The following SLC17A2 variants were observed in gnomAD, a reference collection of about 807,000 sequenced individuals.
The protein encoded by SLC17A2 is solute carrier family 17 member 2, also known as sodium-dependent phosphate transport protein 3.
Under a neutral mutation model 52.1 loss-of-function variants are expected in SLC17A2, and 38 were observed. That is an observed-to-expected ratio of 0.73 (90% CI 0.56 to 0.96). The LOEUF (loss-of-function observed/expected upper bound fraction) is 0.96, where lower values mean the gene tolerates loss of function less well. SLC17A2 is among the 40% of genes least tolerant of loss of function. The probability of loss-of-function intolerance (pLI) is 0.00; values close to 1 mark genes in which losing one functional copy is unlikely to be tolerated. For missense variants in SLC17A2, 508 were observed against 583.9 expected, an observed-to-expected ratio of 0.87 and a Z score of 1.34; for synonymous variants, 226 against 211.9, an observed-to-expected ratio of 1.07 and a Z score of -0.58.
intron 1 of SLC17A2, among the ~76,000 whole-genome samples, chr6:25,929,197 A>G (rs555207305): frequency 6.6e-6 from 1 of 152,302 alleles, no homozygotes; most frequent in African/African-American, 2.4e-5. Flanking sequence ...AGGATATTCA[A>G]GGACTGAATT....
chr6:25,914,344 C>T (rs2071300), intron 11 of SLC17A2, among the ~76,000 whole-genome samples: 72,755 of 152,054 alleles, frequency 0.48, 17,791 homozygotes, highest in East Asian at 0.72. Context: ...TAGGAAGTCA[C>T]ACGTGCTGTC....
At chr6:25,926,941 C>T (rs1766787156) in intron 1 of SLC17A2, among the ~76,000 whole-genome samples, 1 of 152,152 alleles carries the variant, frequency 6.6e-6, no homozygotes, top group South Asian at 2.1e-4. Context: ...TGGCACATGC[C>T]TGTAGACCCT....
chr6:25,922,889 G>A (rs191749731), intron 3 of SLC17A2, among the ~76,000 whole-genome samples: 165 of 152,220 alleles, frequency 1.1e-3, no homozygotes, highest in Non-Finnish European at 2.0e-3. Context: ...AAGCAATGCT[G>A]AAATAGACTT....
At chr6:25,918,602 T>C (rs760388874) in intron 5 of SLC17A2, 29 bp from the exon 6 acceptor site, 7 of 1,494,488 alleles carry the variant, frequency 4.7e-6, no homozygotes, top group Admixed American at 3.4e-5. Context: ...AAAACACTTA[T>C]GAAAATATCA....
intron 10 of SLC17A2, 53 bp from the exon 11 acceptor site, chr6:25,914,723 T>G (rs1766237474): frequency 5.2e-6 from 6 of 1,146,522 alleles, no homozygotes; most frequent in Non-Finnish European, 7.8e-6. Context: ...ACCTACAGCT[T>G]CTGCAGCAAC....
At chr6:25,929,363 T>C (rs1766871787) in intron 1 of SLC17A2, among the ~76,000 whole-genome samples, 1 of 152,176 alleles carries the variant, frequency 6.6e-6, no homozygotes, top group South Asian at 2.1e-4. Context: ...TTGCAAAGTG[T>C]TATATGTTGT....
rs202135214 is a variant in SLC17A2 at position 25,925,791 on chromosome 6, G to T, written c.6C>A (p.Asp2Glu). ...TACCTTTCCTGGTGGCAGGCTTCCCGTCCATTTAGCTTCTGTGGGAAATGG... is the reference window on the plus strand; with the variant it reads ...TACCTTTCCTGGTGGCAGGCTTCCCTTCCATTTAGCTTCTGTGGGAAATGG... M[D>E]GKPATRKGPD... Residue 2 changes from aspartate (D) to glutamate (E), a missense_variant, in exon 2 of 12, where the codon GAC becomes GAA. Coordinates refer to ENST00000377850, the MANE Select transcript of SLC17A2 (RefSeq NM_001286123.3). 1.2e-6 allele frequency: 2 copies of T among 1,614,094 alleles called. No homozygotes were observed. Among genetic ancestry groups the T allele is most frequent in the Non-Finnish European group, 1.7e-6 (2 of 1,179,954 alleles).
chr6:25,929,207 T>C (rs1268689199), intron 1 of SLC17A2, among the ~76,000 whole-genome samples: 1 of 152,180 alleles, frequency 6.6e-6, no homozygotes, highest in African/African-American at 2.4e-5. Context: ...AGGACTGAAT[T>C]CTGCTCTGCC....
chr6:25,924,691 C>A (rs1272495185), intron 2 of SLC17A2, among the ~76,000 whole-genome samples: 1 of 151,868 alleles, frequency 6.6e-6, no homozygotes, highest in Non-Finnish European at 1.5e-5. Flanking sequence ...TGCCTGTAAT[C>A]CCAGCTACTC....
At position 25,918,519 on chromosome 6, in the gene SLC17A2, G is replaced by C; in HGVS notation, c.617C>G (p.Ala206Gly). 1.9e-6 allele frequency: 3 copies of C among 1,613,566 alleles called. No individual in the cohort carries two copies. Among genetic ancestry groups the C allele is most frequent in the Admixed American group, 3.3e-5 (2 of 60,016 alleles). The change falls in exon 6 of 12, where the codon GCC (alanine) becomes GGC (glycine). Residue 206 changes from alanine to glycine, a missense_variant. Physicochemically the swap from Ala to Gly is moderately conservative, Grantham distance 60. Transcript: ENST00000377850. ...GTAGAAGATAAAAGGCCAGCTCAAG[G>C]CCTGTGAGATTAGTCCCCCCACACA... ...ILCVGGLISQ[A>G]LSWPFIFYIF...
At chr6:25,920,069 T>G (rs541929217) in intron 5 of SLC17A2, among the ~76,000 whole-genome samples, 10 of 152,154 alleles carry the variant, frequency 6.6e-5, no homozygotes, top group African/African-American at 2.4e-4. Context: ...TAACTTGGTT[T>G]TGGTGGGAAG....
chr6:25,914,013 C>T (rs1766205316), intron 11 of SLC17A2, among the ~76,000 whole-genome samples: 1 of 152,128 alleles, frequency 6.6e-6, no homozygotes, highest in Admixed American at 6.5e-5. Flanking sequence ...AAAAACAAAA[C>T]TTCTCTTTGT....
At position 25,920,963 on chromosome 6, in the gene SLC17A2, A is replaced by G. The variant is rs759100672; in HGVS notation, c.562+43T>C. On this transcript the variant is annotated intron_variant, in intron 5 of 11. Coordinates refer to ENST00000377850, the MANE Select transcript of SLC17A2 (RefSeq NM_001286123.3). The stretch of plus-strand genomic sequence containing the variant: ...TTCATAGAAGATAAGACACAGTGGG[A>G]TGGAACAGATGACAAAGCTATGACC... 9.1e-6 allele frequency: 14 copies of G among 1,538,508 alleles called. No homozygotes were observed. In the African/African-American group the frequency reaches 1.5e-4, roughly 16 times the overall value.
At chr6:25,922,651 T>C (rs1306032983) in intron 3 of SLC17A2, among the ~76,000 whole-genome samples, 1 of 152,156 alleles carries the variant, frequency 6.6e-6, no homozygotes, top group East Asian at 1.9e-4. Flanking sequence ...CTAGGTCCAA[T>C]GTAATAAAAT....
At chr6:25,925,595 A>G (rs7770139) in intron 2 of SLC17A2, among the ~76,000 whole-genome samples, 174 bp downstream of exon 2, 52,969 of 151,686 alleles carry the variant, frequency 0.35, 10,372 homozygotes, top group East Asian at 0.7. Flanking sequence ...TTAATTTCTC[A>G]CAGATGATTT....
At position 25,926,937 on chromosome 6, in the gene SLC17A2, A is replaced by T. The variant is rs1017279102; in HGVS notation, c.-83-1058T>A. Among the ~76,000 whole-genome samples, 5 of 152,282 alleles carry T rather than the reference A, an allele frequency of 3.3e-5. No homozygotes were observed. In the East Asian group the frequency reaches 7.7e-4, roughly 24 times the overall value. On this transcript the variant is annotated intron_variant, in intron 1 of 11. Transcript: ENST00000377850. ...CAAAAACAGCCGGGTGTGGTGGCACATGCCTGTAGACCCTGCTACTAAGGA... is the reference window on the plus strand; with the variant it reads ...CAAAAACAGCCGGGTGTGGTGGCACTTGCCTGTAGACCCTGCTACTAAGGA...
At chr6:25,925,715 C>G (rs982981604) in intron 2 of SLC17A2, 54 bp downstream of exon 2, 1 of 1,503,088 alleles carries the variant, frequency 6.7e-7, no homozygotes. Flanking sequence ...GTAAATGTGT[C>G]GGAATAAGCT....
intron 2 of SLC17A2, among the ~76,000 whole-genome samples, chr6:25,925,333 G>A (rs1180061815): frequency 1.3e-5 from 2 of 151,944 alleles, no homozygotes; most frequent in East Asian, 1.9e-4. Flanking sequence ...CTAACACGGC[G>A]AAACTCCATC....
At chr6:25,923,205 C>A (rs1032896243) in intron 3 of SLC17A2, among the ~76,000 whole-genome samples, 2 of 152,036 alleles carry the variant, frequency 1.3e-5, no homozygotes, top group Non-Finnish European at 2.9e-5. Flanking sequence ...AACAAACAAA[C>A]AAACAGCAAA....
Sources: gnomAD v4.1 joint callset for allele counts (sites outside exome capture counted in the v4.1 genomes callset) on GRCh38, gnomAD v4.1.1 for gene constraint, MANE v1.5 for transcripts, NCBI Gene and HGNC (gene_info 2026-07-23, HGNC 2026-07-21) for gene names.